Variants in TCERG1 observed in about 807,000 individuals in gnomAD.
TCERG1 encodes the protein TATA box binding protein (TBP)-associated factor, RNA polymerase II, S, 150kD.
A neutral mutation model predicts 144.7 loss-of-function variants in TCERG1; 37 were observed. The observed-to-expected ratio is 0.26, with a 90% CI of 0.20 to 0.34. The LOEUF (loss-of-function observed/expected upper bound fraction) is 0.34, where lower values mean the gene tolerates loss of function less well. Ranked by LOEUF, TCERG1 falls within the 10% of genes least tolerant of loss-of-function variation. The pLI, the probability that TCERG1 is intolerant of heterozygous loss-of-function variation, is 1.00. For missense variants in TCERG1, 1,027 were observed against 1,380.7 expected (o/e 0.74, Z 4.06); for synonymous variants, 492 against 458.2 (o/e 1.07, Z -0.94).
In TCERG1 at chr5:146,507,364, CTTAT is replaced by C. The variant is rs1404918715; in HGVS notation, c.2961+165_2961+168del. 2.9e-6 allele frequency: 2 copies of C among 678,490 alleles called. No individual in the cohort carries two copies. Among genetic ancestry groups the C allele is most frequent in the Non-Finnish European group, 4.5e-6 (2 of 441,726 alleles). 42.0% of individuals were successfully genotyped at this position (678,490 alleles called of 1,614,324 possible). A position where few individuals can be genotyped will look rare whatever the true frequency, so the allele number is the denominator to read the frequency against. On this transcript the variant is annotated intron_variant, in intron 20 of 22. Coordinates refer to ENST00000679501, the MANE Select transcript of TCERG1 (RefSeq NM_001382548.1). This position sits in a 1 kb window ranked among gnomAD's most constrained non-coding sequence, Gnocchi z 4.6. Reference sequence around the variant, plus strand: ...TCTGATTTTAAAAAATTATGGTATTCTTATTTATTTAGAAATGCCTATTCTTTGC... The same window carrying C: ...TCTGATTTTAAAAAATTATGGTATTCTTATTTAGAAATGCCTATTCTTTGC...
At position 146,479,867 on chromosome 5, in the gene TCERG1, C is replaced by T. The variant is rs919563067; in HGVS notation, c.1775C>T (p.Pro592Leu). ...EELKKLRHPTPTMLSIQKWQF... is the reference protein window; with the variant it reads ...EELKKLRHPTLTMLSIQKWQF... Reference sequence around the variant, plus strand: ...ATGTTTTTGCCAGGGCACCCAACTCCGACAATGCTGTCGATCCAAAAGTGG... The same window carrying T: ...ATGTTTTTGCCAGGGCACCCAACTCTGACAATGCTGTCGATCCAAAAGTGG... Residue 592 changes from proline (P) to leucine (L), a missense_variant, in exon 11 of 23, where the codon CCG becomes CTG. Transcript: ENST00000679501. 6.8e-6 allele frequency: 11 copies of T among 1,613,294 alleles called. No individual in the cohort carries two copies. The highest frequency in any genetic ancestry group is 6.7e-5 in the East Asian group (3 of 44,820).
chr5:146,482,658 C>T lies in TCERG1; in HGVS notation c.2004C>T (p.Ala668=), dbSNP rs1765463659. ...EAAMEAEIKA[A]RERAIVPLEA... ...CCATGGAAGCTGAAATTAAAGCTGC[C>T]CGAGAAAGGGCCATTGTCCCTCTGG... is the stretch of plus-strand genomic sequence containing the variant. Residue 668 remains alanine (A), a synonymous_variant, in exon 14 of 23, where the codon GCC becomes GCT. Transcript: ENST00000679501. 1 of 1,612,712 alleles carries T rather than the reference C, an allele frequency of 6.2e-7. No homozygotes were observed. Among genetic ancestry groups the T allele is most frequent in the Admixed American group, 1.7e-5 (1 of 59,894 alleles).
At chr5:146,485,203 G>T (rs1232065773) in intron 15 of TCERG1, among the ~76,000 whole-genome samples, 3 of 152,098 alleles carry the variant, frequency 2.0e-5, no homozygotes, top group African/African-American at 7.2e-5. Context: ...CTTCTGCCTG[G>T]ACTGTTTTTC....
intron 1 of TCERG1, among the ~76,000 whole-genome samples, chr5:146,452,222 A>G (rs1037236575): frequency 7.2e-5 from 11 of 152,210 alleles, no homozygotes; most frequent in Non-Finnish European, 1.6e-4. Flanking sequence ...GAGCCTGGTA[A>G]CGAGAGACTA....
chr5:146,483,442 C>T (rs1356940361), intron 14 of TCERG1, 98 bp from the exon 15 acceptor site: 6 of 1,043,510 alleles, frequency 5.7e-6, no homozygotes, highest in Non-Finnish European at 8.4e-6. Context: ...TTTTATGTCT[C>T]CTTTATAAAC....
intron 19 of TCERG1, among the ~76,000 whole-genome samples, chr5:146,505,268 A>G (rs1388555142): frequency 1.3e-5 from 2 of 152,092 alleles, no homozygotes; most frequent in Non-Finnish European, 2.9e-5. Context: ...CCCTACCTCT[A>G]ACATTCCCTC....
chr5:146,451,201 A>T (rs28438403), intron 1 of TCERG1, among the ~76,000 whole-genome samples: 1 of 151,848 alleles, frequency 6.6e-6, no homozygotes, highest in Non-Finnish European at 1.5e-5. Flanking sequence ...TTCCTTGGTG[A>T]TTATCTTTTT....
At chr5:146,483,776 G>A (rs1765575538) in intron 15 of TCERG1, 147 bp downstream of exon 15, 1 of 595,932 alleles carries the variant, frequency 1.7e-6, no homozygotes, top group Non-Finnish European at 2.8e-6. Flanking sequence ...ATGTGTCTGT[G>A]TGTGGACATT....
chr5:146,448,310 C>T (rs1463783119), intron 1 of TCERG1, among the ~76,000 whole-genome samples: 1 of 151,990 alleles, frequency 6.6e-6, no homozygotes, highest in Non-Finnish European at 1.5e-5. Context: ...ATGCCATTTC[C>T]TTGAACAGTG....
At chr5:146,472,355 G>A (rs998057674) in intron 9 of TCERG1, among the ~76,000 whole-genome samples, 7 of 151,932 alleles carry the variant, frequency 4.6e-5, no homozygotes, top group African/African-American at 1.7e-4. Flanking sequence ...TTTTTCAACA[G>A]CATGTGCTCA....
chr5:146,465,899 A>G (rs939619194), intron 5 of TCERG1, among the ~76,000 whole-genome samples: 1 of 151,840 alleles, frequency 6.6e-6, no homozygotes, highest in Non-Finnish European at 1.5e-5. Flanking sequence ...GTGGTGGTGC[A>G]TGCCCAGCTA....
chr5:146,491,995 A>G (rs923829351), intron 15 of TCERG1, among the ~76,000 whole-genome samples: 5 of 152,210 alleles, frequency 3.3e-5, no homozygotes, highest in Non-Finnish European at 5.9e-5. Context: ...CTTGAGCTGT[A>G]TAAAAACAAC....
chr5:146,508,326 G>A (rs1768180025), intron 21 of TCERG1, among the ~76,000 whole-genome samples: 1 of 152,174 alleles, frequency 6.6e-6, no homozygotes, highest in Non-Finnish European at 1.5e-5. Flanking sequence ...TAATGAGATC[G>A]CTAGTTCTCA....
intron 19 of TCERG1, among the ~76,000 whole-genome samples, chr5:146,504,748 A>G (rs1185314255): frequency 2.0e-5 from 3 of 152,170 alleles, no homozygotes; most frequent in Non-Finnish European, 4.4e-5. Context: ...TGGGCCACAC[A>G]TAAAGTTCAC....
chr5:146,447,819 C>T (rs946130966), intron 1 of TCERG1, among the ~76,000 whole-genome samples: 2 of 152,268 alleles, frequency 1.3e-5, no homozygotes, highest in African/African-American at 2.4e-5. Flanking sequence ...CAGTTACTTT[C>T]CCTGTACCCC....
rs1319526349 is a variant in TCERG1, at chr5:146,463,630, T to C, written c.972T>C (p.Pro324=). 1.2e-6 allele frequency: 2 copies of C among 1,614,242 alleles called. No individual in the cohort carries two copies. Among genetic ancestry groups the C allele is most frequent in the Non-Finnish European group, 1.7e-6 (2 of 1,180,040 alleles). Residue 324 remains proline (P), a synonymous_variant, in exon 5 of 23, where the codon CCT becomes CCC. Transcript: ENST00000679501. ...TPTVSVSTPA[P]TATPVQTVPQ... is the part of the protein sequence containing the mutation. Reference sequence around the variant, plus strand: ...CAGTTAGTGTTTCAACTCCTGCTCCTACAGCCACACCTGTGCAAACCGTTC... The same window carrying C: ...CAGTTAGTGTTTCAACTCCTGCTCCCACAGCCACACCTGTGCAAACCGTTC...
Position 146,478,600 on chromosome 5 carries a change from A to C in TCERG1, c.1709A>C (p.Lys570Thr). 1 of 1,609,908 alleles carries C rather than the reference A, an allele frequency of 6.2e-7. No individual in the cohort carries two copies. Among genetic ancestry groups the C allele is most frequent in the Non-Finnish European group, 8.5e-7 (1 of 1,178,672 alleles). The change falls in exon 10 of 23, where the codon AAA becomes ACA. Residue 570 changes from lysine (K) to threonine (T), a missense_variant. Physicochemically the swap from Lys to Thr is moderately conservative, Grantham distance 78. Transcript: ENST00000679501. ...DDLIGRADVD[K>T]IIQEPPHKKG... is the part of the protein sequence containing the mutation. ...CTGATTGGCAGGGCAGATGTTGACA[A>C]AATTATTCAGGAGCCCCCTCATAAA...
chr5:146,459,289 A>G lies in TCERG1; in HGVS notation c.844A>G (p.Thr282Ala), dbSNP rs775049784. 26 of 1,614,030 alleles carry G rather than the reference A, an allele frequency of 1.6e-5. No individual in the cohort carries two copies. The highest frequency in any genetic ancestry group is 1.9e-5 in the Non-Finnish European group (23 of 1,180,014). ...AACATCATCATCCACCCCTTCCTCT[A>G]CCACTTCTACCACAACAACTGCTAC... is the stretch of plus-strand genomic sequence containing the variant. ...TSTSSSTPSS[T>A]TSTTTTATSV... Residue 282 changes from threonine to alanine, a missense_variant, in exon 4 of 23, where the codon ACC becomes GCC. By Grantham distance (58) the Thr-to-Ala change is moderately conservative. Around this residue, in one of 6 missense-constraint regions of TCERG1, gnomAD observed 187 missense variants for 169.1 expected, o/e 1.11. Transcript: ENST00000679501.
chr5:146,480,211 C>G (rs912478460), intron 12 of TCERG1, 117 bp downstream of exon 12: 7 of 654,048 alleles, frequency 1.1e-5, no homozygotes, highest in African/African-American at 9.2e-5. Context: ...CATGATTGCT[C>G]TCTTAGGCCT....
Sources: gnomAD v4.1 joint callset for allele counts (sites outside exome capture counted in the v4.1 genomes callset) on GRCh38, gnomAD v4.1.1 for gene constraint, gnomAD v4.1.1 regional missense constraint, Gnocchi (gnomAD v3.1) non-coding constraint, MANE v1.5 for transcripts, NCBI Gene and HGNC (gene_info 2026-07-23, HGNC 2026-07-21) for gene names.